The following MGAT4C variants were observed in gnomAD, a reference collection of about 807,000 sequenced individuals.
MGAT4C encodes alpha-1,3-mannosyl-glycoprotein 4-beta-N-acetylglucosaminyltransferase C.
In MGAT4C, 19 loss-of-function variants were observed where a neutral mutation model predicts 40.1. The observed-to-expected ratio is 0.47, with a 90% confidence interval of 0.33 to 0.70. MGAT4C has a LOEUF of 0.70. Ranked by LOEUF, MGAT4C falls within the 30% of genes least tolerant of loss-of-function variation. The probability of loss-of-function intolerance (pLI) is 0.02; values close to 1 mark genes in which losing one functional copy is unlikely to be tolerated. For missense variants in MGAT4C, 491 were observed against 563.2 expected, an observed-to-expected ratio of 0.87 and a Z score of 1.30; for synonymous variants, 181 against 187.1, an observed-to-expected ratio of 0.97 and a Z score of 0.27.
intron 1 of MGAT4C, among the ~76,000 whole-genome samples, chr12:86,128,938 C>T (rs1033611660): frequency 6.6e-6 from 1 of 152,088 alleles, no homozygotes; most frequent in African/African-American, 2.4e-5. Context: ...GTCCTTTCCC[C>T]ACTTTGGCTT....
At chr12:86,095,187 A>G (rs1248435114) in intron 1 of MGAT4C, among the ~76,000 whole-genome samples, 1 of 152,122 alleles carries the variant, frequency 6.6e-6, no homozygotes, top group Non-Finnish European at 1.5e-5. Context: ...AACTTTATAA[A>G]GAGACTTGAT....
At chr12:86,237,749 AG>A (rs1294522624) in intron 1 of MGAT4C, among the ~76,000 whole-genome samples, 1 of 151,930 alleles carries the variant, frequency 6.6e-6, no homozygotes, top group Non-Finnish European at 1.5e-5. Flanking sequence ...ATACGACATT[AG>A]GGACGATAGA....
At chr12:86,626,278 T>C (rs184843822) in intron 2 of MGAT4C, among the ~76,000 whole-genome samples, 1 of 152,326 alleles carries the variant, frequency 6.6e-6, no homozygotes, top group African/African-American at 2.4e-5. Context: ...AATCAATGTG[T>C]GCATATAAAA....
At chr12:86,813,391 T>A (rs910906820) in intron 1 of MGAT4C, among the ~76,000 whole-genome samples, 2 of 152,094 alleles carry the variant, frequency 1.3e-5, no homozygotes, top group African/African-American at 4.8e-5. Context: ...AGATCTTTAA[T>A]CTACCTGATT....
chr12:86,791,197 AG>A (rs1260449831), intron 1 of MGAT4C, among the ~76,000 whole-genome samples: 2 of 152,166 alleles, frequency 1.3e-5, no homozygotes, highest in Non-Finnish European at 2.9e-5. Context: ...TGCCAAAAAC[AG>A]GTGCCAAAAA....
At chr12:86,658,841 C>T (rs1963910008) in intron 2 of MGAT4C, among the ~76,000 whole-genome samples, 1 of 152,036 alleles carries the variant, frequency 6.6e-6, no homozygotes. Context: ...GTATGTGATG[C>T]AAAGGCACTT....
chr12:86,494,561 T>C (rs1450878219), intron 2 of MGAT4C, among the ~76,000 whole-genome samples: 2 of 151,724 alleles, frequency 1.3e-5, no homozygotes, highest in Admixed American at 6.6e-5. Flanking sequence ...AGTTATGTGA[T>C]TTCATGATAG....
At chr12:86,153,594 C>T (rs1884562997) in intron 1 of MGAT4C, among the ~76,000 whole-genome samples, 1 of 152,168 alleles carries the variant, frequency 6.6e-6, no homozygotes, top group African/African-American at 2.4e-5. Flanking sequence ...CTGCATGTGT[C>T]AAGGGAGGGA....
chr12:86,432,307 C>A lies in MGAT4C; in HGVS notation c.-120+2850G>T, dbSNP rs112343613. Among the ~76,000 whole-genome samples the A allele has an allele frequency of 6.5e-3, 991 of 151,884 alleles. 11 individuals carry two copies. Among genetic ancestry groups the A allele is most frequent in the African/African-American group, 0.023 (948 of 41,430 alleles). ...AAACAAACAAACAAACACAAAAAAA[C>A]CTTTGAGATGTTTCTGTGAAGTAGC... On this transcript the variant is annotated intron_variant, in intron 3 of 7. Transcript: ENST00000548651.
At chr12:86,089,090 C>T (rs373584101) in intron 1 of MGAT4C, among the ~76,000 whole-genome samples, 1 of 151,808 alleles carries the variant, frequency 6.6e-6, no homozygotes, top group African/African-American at 2.4e-5. Flanking sequence ...ACAGTTTAGG[C>T]ATCTTCAGGT....
At chr12:86,603,820 T>C (rs768667920) in intron 2 of MGAT4C, among the ~76,000 whole-genome samples, 35 of 141,352 alleles carry the variant, frequency 2.5e-4, no homozygotes, top group Non-Finnish European at 4.5e-4. Context: ...TATATAATAA[T>C]AGTAAATATA....
chr12:86,185,264 T>C (rs1888626919), intron 1 of MGAT4C, among the ~76,000 whole-genome samples: 1 of 152,200 alleles, frequency 6.6e-6, no homozygotes, highest in African/African-American at 2.4e-5. Context: ...TTACTTCTTA[T>C]ATTTACTATC....
In MGAT4C at chr12:86,581,451, G is replaced by A. The variant is rs892290617; in HGVS notation, c.-229+145758C>T. On this transcript the variant is annotated intron_variant, in intron 2 of 7. Transcript: ENST00000548651. ...CCCATATTAAATGCTTGCTGCTAGG[G>A]ATGGTACTGTTTCCTGCAGCTGAGA... 4.9e-4 allele frequency among the ~76,000 whole-genome samples: 74 copies of A among 151,482 alleles called. 1 individual carries two copies. Among genetic ancestry groups the A allele is most frequent in the African/African-American group, 1.7e-3 (72 of 41,432 alleles).
chr12:86,401,779 G>C (rs1339833999), intron 3 of MGAT4C, among the ~76,000 whole-genome samples: 1 of 151,980 alleles, frequency 6.6e-6, no homozygotes, highest in Non-Finnish European at 1.5e-5. Flanking sequence ...AGTTTTACTA[G>C]TTTCAAATAT....
chr12:86,657,343 C>T (rs1230647511), intron 2 of MGAT4C, among the ~76,000 whole-genome samples: 2 of 151,458 alleles, frequency 1.3e-5, no homozygotes, highest in Admixed American at 6.6e-5. Context: ...GTCCTCATGA[C>T]CATAGGGAGA....
At chr12:86,343,723 A>G (rs1954951651) in intron 3 of MGAT4C, among the ~76,000 whole-genome samples, 1 of 152,184 alleles carries the variant, frequency 6.6e-6, no homozygotes, top group Non-Finnish European at 1.5e-5. Context: ...CAAAAATCAG[A>G]CGAGACATCA....
At chr12:86,684,167 T>C (rs1950031247) in intron 2 of MGAT4C, among the ~76,000 whole-genome samples, 1 of 152,086 alleles carries the variant, frequency 6.6e-6, no homozygotes, top group Non-Finnish European at 1.5e-5. Flanking sequence ...CTTGAGGTCA[T>C]GCATTACCTC....
At chr12:86,779,023 AAC>A (rs982335637) in intron 1 of MGAT4C, among the ~76,000 whole-genome samples, 17 of 150,876 alleles carry the variant, frequency 1.1e-4, no homozygotes, top group East Asian at 3.9e-4. Context: ...AAAAAAAAAA[AAC>A]AACTGTTATT....
At chr12:86,251,187 A>G (rs1952262924) in intron 1 of MGAT4C, among the ~76,000 whole-genome samples, 1 of 151,356 alleles carries the variant, frequency 6.6e-6, no homozygotes, top group East Asian at 1.9e-4. Flanking sequence ...GTGGAACAAC[A>G]AATTGTATTC....
Sources: allele counts gnomAD v4.1 joint callset (sites outside exome capture counted in the v4.1 genomes callset), GRCh38; gene constraint gnomAD v4.1.1; transcripts MANE v1.5; gene names NCBI Gene and HGNC (gene_info 2026-07-23, HGNC 2026-07-21).